The following KIAA1958 variants were observed in gnomAD, a reference collection of about 807,000 sequenced individuals.
KIAA1958 encodes KIAA1958.
A neutral mutation model predicts 47.2 loss-of-function variants in KIAA1958; 14 were observed. The ratio of observed to expected loss-of-function variants is 0.30; its 90% CI spans 0.20 to 0.46. KIAA1958 has a LOEUF of 0.46. KIAA1958 is among the 20% of genes least tolerant of loss of function. KIAA1958 has a pLI of 1.00. For missense variants in KIAA1958, 803 were observed against 909.2 expected (o/e 0.88, Z 1.50); for synonymous variants, 354 against 353.3 (o/e 1.00, Z -0.02).
At chr9:112,496,557 C>T (rs1183260127) in intron 1 of KIAA1958, among the ~76,000 whole-genome samples, 3 of 152,084 alleles carry the variant, frequency 2.0e-5, no homozygotes, top group Non-Finnish European at 4.4e-5. Flanking sequence ...TGCCTTTTTC[C>T]GAGTGTATGT....
intron 1 of KIAA1958, among the ~76,000 whole-genome samples, chr9:112,524,199 A>G (rs1237241977): frequency 6.6e-6 from 1 of 152,250 alleles, no homozygotes; most frequent in Non-Finnish European, 1.5e-5. Flanking sequence ...GGTTCTAGTT[A>G]TGGTGCTGTT....
rs1031394388 is a variant in KIAA1958, at chr9:112,630,038, A to G, written c.1172-15612A>G. Among the ~76,000 whole-genome samples the G allele has an allele frequency of 8.5e-5, 13 of 152,362 alleles. No individual in the cohort carries two copies. In the South Asian group the frequency reaches 2.3e-3, roughly 27 times the overall value. On this transcript the variant is annotated intron_variant, in intron 2 of 3. Coordinates refer to ENST00000337530, the MANE Select transcript of KIAA1958 (RefSeq NM_133465.4). ...GCACTGGCCTCAGGATATACAGTCA[A>G]TGCAGATGAGCCAAGCAGCCCATGT...
In KIAA1958 at chr9:112,574,807, G is replaced by C; in HGVS notation, c.727G>C (p.Gly243Arg). The change falls in exon 2 of 4, where the codon GGT (glycine) becomes CGT (arginine). Residue 243 changes from glycine to arginine, a missense_variant. Gly to Arg is a moderately radical substitution (Grantham distance 125, BLOSUM62 -2). This residue lies in a region of KIAA1958 where 761 missense variants were observed against 829.3 expected (regional missense o/e 0.92). Transcript: ENST00000337530. ...MAKPKPQTHA[G>R]PSCVGSAKLI... is the part of the protein sequence containing the mutation. ...AAAACCCAAGCCTCAGACTCACGCT[G>C]GTCCCTCCTGTGTAGGGTCTGCTAA... The C allele has an allele frequency of 1.9e-6, 3 of 1,614,150 alleles. No individual in the cohort carries two copies. Among genetic ancestry groups the C allele is most frequent in the Middle Eastern group, 1.6e-4 (1 of 6,062 alleles).
intron 2 of KIAA1958, among the ~76,000 whole-genome samples, chr9:112,590,170 A>G (rs1380244211): frequency 1.3e-5 from 2 of 152,252 alleles, no homozygotes; most frequent in African/African-American, 2.4e-5. Context: ...CTGAATCAAA[A>G]TCTGCATTTT....
At chr9:112,597,338 A>G (rs1489426462) in intron 2 of KIAA1958, among the ~76,000 whole-genome samples, 1 of 152,190 alleles carries the variant, frequency 6.6e-6, no homozygotes, top group East Asian at 1.9e-4. Flanking sequence ...ATAGGACTAT[A>G]ATTAACTCCA....
At chr9:112,606,973 A>G (rs1236747261) in intron 2 of KIAA1958, among the ~76,000 whole-genome samples, 2 of 152,236 alleles carry the variant, frequency 1.3e-5, no homozygotes, top group Non-Finnish European at 2.9e-5. Context: ...TTTCTTAAAT[A>G]AAACTGAAAG....
At chr9:112,625,096 T>C (rs1253524869) in intron 2 of KIAA1958, among the ~76,000 whole-genome samples, 1 of 152,156 alleles carries the variant, frequency 6.6e-6, no homozygotes, top group Non-Finnish European at 1.5e-5. Flanking sequence ...CCTTCAGGTG[T>C]GCTAGCTGGA....
In KIAA1958 at chr9:112,573,605, G is replaced by A. The variant is rs143688766; in HGVS notation, c.-24-452G>A. Among the ~76,000 whole-genome samples, 863 of 152,248 alleles carry A rather than the reference G, an allele frequency of 5.7e-3. 12 individuals are homozygous for A. Among genetic ancestry groups the A allele is most frequent in the African/African-American group, 0.019 (799 of 41,538 alleles). ...TCCTTTGTTGGCTCTGCCTCTAGTA[G>A]TAAAGTTTCTGATGACAAAGGGTGT... On this transcript the variant is annotated intron_variant, in intron 1 of 3. Transcript: ENST00000337530.
chr9:112,487,810 GA>G (rs1833889510), intron 1 of KIAA1958, among the ~76,000 whole-genome samples: 1 of 151,452 alleles, frequency 6.6e-6, no homozygotes, highest in Non-Finnish European at 1.5e-5. Context: ...AGGTTGGACT[GA>G]ACAACGTCAA....
At chr9:112,517,652 T>C (rs544625915) in intron 1 of KIAA1958, among the ~76,000 whole-genome samples, 3 of 152,254 alleles carry the variant, frequency 2.0e-5, no homozygotes, top group South Asian at 4.1e-4. Context: ...AGAATAAAAA[T>C]ACAAACCACT....
chr9:112,543,943 G>T (rs1008891195), intron 1 of KIAA1958, among the ~76,000 whole-genome samples: 1 of 152,040 alleles, frequency 6.6e-6, no homozygotes, highest in African/African-American at 2.4e-5. Flanking sequence ...TGTTTTTAAT[G>T]AATACATATA....
chr9:112,522,475 T>A (rs2132797629), intron 1 of KIAA1958, among the ~76,000 whole-genome samples: 1 of 152,310 alleles, frequency 6.6e-6, no homozygotes, highest in Non-Finnish European at 1.5e-5. Context: ...TGAGTCACAT[T>A]TTATATCTGT....
rs1179945719 is a variant in KIAA1958 at position 112,665,752 on chromosome 9, A to C, written c.*5683A>C. On this transcript the variant is annotated 3_prime_UTR_variant, in exon 4 of 4. Transcript: ENST00000337530. ...TGGGAACCTTCTGTCTTTATCCAAT[A>C]AGTAATTTATATTACCTGTCATCTA... 2.0e-5 allele frequency: 3 copies of C among 152,114 alleles called. No homozygotes were observed. Among genetic ancestry groups the C allele is most frequent in the Admixed American group, 2.0e-4 (3 of 15,264 alleles). The allele number at this position is 152,114 out of a possible 1,614,324, so 9.4% of individuals were successfully genotyped here.
Position 112,492,962 on chromosome 9 carries a change from G to C in KIAA1958, c.-25+5844G>C, listed in dbSNP as rs73543735. Among the ~76,000 whole-genome samples the C allele has an allele frequency of 3.8e-3, 515 of 135,324 alleles. 3 individuals carry two copies. The highest frequency in any genetic ancestry group is 0.014 in the African/African-American group (494 of 35,054). 88.8% of individuals were successfully genotyped at this position (135,324 alleles called of 152,430 possible). A position where few individuals can be genotyped will look rare whatever the true frequency, so the allele number is the denominator to read the frequency against. On this transcript the variant is annotated intron_variant, in intron 1 of 3. Transcript: ENST00000337530. ...GTAGAGATGAGGCCTGTGTGTCCCA[G>C]ATTGGTCTTGAACTCCTGGGCTCAT...
intron 2 of KIAA1958, among the ~76,000 whole-genome samples, chr9:112,596,112 A>G (rs1038086930): frequency 1.3e-5 from 2 of 152,192 alleles, no homozygotes; most frequent in Non-Finnish European, 2.9e-5. Flanking sequence ...TGGAGTATAC[A>G]GTAAAAAAAG....
At chr9:112,652,308 A>T (rs1476397429) in intron 3 of KIAA1958, among the ~76,000 whole-genome samples, 1 of 152,224 alleles carries the variant, frequency 6.6e-6, no homozygotes, top group Non-Finnish European at 1.5e-5. Flanking sequence ...CAGAATGGTT[A>T]CTAAAGGAAA....
intron 1 of KIAA1958, among the ~76,000 whole-genome samples, chr9:112,536,567 A>G (rs977228728): frequency 6.6e-6 from 1 of 152,216 alleles, no homozygotes; most frequent in African/African-American, 2.4e-5. Context: ...AGACCCACAC[A>G]TCTATGTCTT....
At chr9:112,606,259 CAGATGTTGATT>C (rs1836232575) in intron 2 of KIAA1958, among the ~76,000 whole-genome samples, 1 of 152,100 alleles carries the variant, frequency 6.6e-6, no homozygotes, top group Admixed American at 6.6e-5. Context: ...GGTCTGGGTA[CAGATGTTGATT>C]AGGCTTTTGG....
chr9:112,586,736 T>C (rs2091387519), intron 2 of KIAA1958, among the ~76,000 whole-genome samples: 1 of 152,200 alleles, frequency 6.6e-6, no homozygotes, highest in South Asian at 2.1e-4. Flanking sequence ...CAGAATATAA[T>C]TTTCTTTCAG....
Sources: gnomAD v4.1 joint callset for allele counts (sites outside exome capture counted in the v4.1 genomes callset) on GRCh38, gnomAD v4.1.1 for gene constraint, gnomAD v4.1.1 regional missense constraint, MANE v1.5 for transcripts, NCBI Gene and HGNC (gene_info 2026-07-23, HGNC 2026-07-21) for gene names.